Variants in PRKG1 observed in about 807,000 individuals in gnomAD.
The protein encoded by PRKG1 is protein kinase cGMP-dependent 1.
Under a neutral mutation model 88.1 loss-of-function variants are expected in PRKG1, and 35 were observed. The observed-to-expected ratio is 0.40, with a 90% confidence interval of 0.30 to 0.53. The LOEUF (loss-of-function observed/expected upper bound fraction) is 0.53. PRKG1 is among the 20% of genes least tolerant of loss of function. The probability of loss-of-function intolerance (pLI) is 0.59; values close to 1 mark genes in which losing one functional copy is unlikely to be tolerated. For missense variants in PRKG1, 540 were observed against 839.8 expected, an observed-to-expected ratio of 0.64 and a Z score of 4.41; for synonymous variants, 303 against 292.5, an observed-to-expected ratio of 1.04 and a Z score of -0.37.
intron 3 of PRKG1, among the ~76,000 whole-genome samples, chr10:51,584,773 G>A (rs1769199257): frequency 6.6e-6 from 1 of 152,074 alleles, no homozygotes. Flanking sequence ...GCTCAGAGAA[G>A]GGAAAGAACT....
intron 3 of PRKG1, among the ~76,000 whole-genome samples, chr10:51,752,049 T>A (rs1031340068): frequency 2.0e-5 from 3 of 152,212 alleles, no homozygotes; most frequent in African/African-American, 7.2e-5. Flanking sequence ...ATTGCCAGTG[T>A]CTGTTTTATT....
At chr10:51,952,951 A>G (rs1438771313) in intron 5 of PRKG1, among the ~76,000 whole-genome samples, 2 of 152,226 alleles carry the variant, frequency 1.3e-5, no homozygotes, top group African/African-American at 2.4e-5. Flanking sequence ...ATCCAAGTGA[A>G]TCTAACCAAC....
At chr10:51,186,550 TGA>T (rs1837491586) in intron 2 of PRKG1, among the ~76,000 whole-genome samples, 1 of 152,042 alleles carries the variant, frequency 6.6e-6, no homozygotes, top group South Asian at 2.1e-4. Flanking sequence ...TGTCTCAGGG[TGA>T]GCCAGGAATC....
chr10:51,591,257 C>T (rs10998398), intron 3 of PRKG1, among the ~76,000 whole-genome samples: 10,537 of 152,138 alleles, frequency 0.069, 1,198 homozygotes, highest in African/African-American at 0.24. Context: ...CATTTAGAGA[C>T]GAACTCTATA....
intron 3 of PRKG1, among the ~76,000 whole-genome samples, chr10:51,576,243 T>C (rs1837881975): frequency 6.6e-6 from 1 of 151,994 alleles, no homozygotes; most frequent in African/African-American, 2.4e-5. Flanking sequence ...TATAACTCTT[T>C]ATTAGCATAC....
intron 8 of PRKG1, among the ~76,000 whole-genome samples, chr10:52,139,318 C>T (rs1837511386): frequency 6.6e-6 from 1 of 152,078 alleles, no homozygotes; most frequent in African/African-American, 2.4e-5. Flanking sequence ...AGGAAAACCT[C>T]AGTGCCTTCC....
At position 51,684,413 on chromosome 10, in the gene PRKG1, A is replaced by G. The variant is rs1840932511; in HGVS notation, c.593-120172A>G. ...ATGTAGGTGTGGTGGTGGCTGCACA[A>G]CTCTATGACTATCGTAACAACCATT... On this transcript the variant is annotated intron_variant, in intron 3 of 17. Transcript: ENST00000373980. Among the ~76,000 whole-genome samples the G allele has an allele frequency of 2.0e-5, 3 of 152,076 alleles. No individual in the cohort carries two copies. In the South Asian group the frequency reaches 6.2e-4, roughly 32 times the overall value.
chr10:51,042,443 G>A (rs1843436327), intron 1 of PRKG1, among the ~76,000 whole-genome samples: 2 of 137,120 alleles, frequency 1.5e-5, no homozygotes, highest in Non-Finnish European at 3.4e-5. Flanking sequence ...CAAATTCTGG[G>A]CTTTGGCCAA....
At chr10:51,519,052 A>G (rs1841667531) in intron 3 of PRKG1, among the ~76,000 whole-genome samples, 1 of 152,222 alleles carries the variant, frequency 6.6e-6, no homozygotes, top group Non-Finnish European at 1.5e-5. Flanking sequence ...TTTAAAACCA[A>G]TCTTCCATTA....
At chr10:51,900,488 T>G (rs984944464) in intron 4 of PRKG1, among the ~76,000 whole-genome samples, 1 of 152,194 alleles carries the variant, frequency 6.6e-6, no homozygotes, top group Non-Finnish European at 1.5e-5. Context: ...TATGCTTTGG[T>G]CATTTGGAAA....
intron 5 of PRKG1, among the ~76,000 whole-genome samples, chr10:51,929,346 C>CTTTTTT (rs67175480): frequency 1.8e-5 from 2 of 109,670 alleles, no homozygotes; most frequent in Non-Finnish European, 3.7e-5. Context: ...GAATTCCTTC[C>CTTTTTT]TTTTTTTTTT....
chr10:51,630,519 G>T (rs1297884747), intron 3 of PRKG1, among the ~76,000 whole-genome samples: 1 of 152,158 alleles, frequency 6.6e-6, no homozygotes, highest in East Asian at 1.9e-4. Context: ...GAATAGTTCT[G>T]CAGCTGTGCT....
At chr10:51,408,997 T>C (rs540497545) in intron 2 of PRKG1, among the ~76,000 whole-genome samples, 2 of 152,318 alleles carry the variant, frequency 1.3e-5, no homozygotes, top group Admixed American at 6.5e-5. Context: ...TCCCTGACCA[T>C]CCAGCCAAAT....
chr10:52,126,645 T>C (rs1847938157), intron 7 of PRKG1, among the ~76,000 whole-genome samples: 1 of 152,126 alleles, frequency 6.6e-6, no homozygotes, highest in Non-Finnish European at 1.5e-5. Flanking sequence ...CAAACACAGC[T>C]CTGTAGAAAT....
At chr10:51,306,150 A>C (rs1437713063) in intron 2 of PRKG1, among the ~76,000 whole-genome samples, 1 of 152,224 alleles carries the variant, frequency 6.6e-6, no homozygotes, top group Non-Finnish European at 1.5e-5. Context: ...CCTGGATTGA[A>C]ATTAAGTTTG....
intron 9 of PRKG1, among the ~76,000 whole-genome samples, chr10:52,204,528 C>T (rs1239944569): frequency 6.6e-6 from 1 of 152,056 alleles, no homozygotes; most frequent in Non-Finnish European, 1.5e-5. Context: ...TTATTAGTAC[C>T]CCAAATTAAT....
At chr10:52,044,577 T>C (rs1337907659) in intron 5 of PRKG1, among the ~76,000 whole-genome samples, 1 of 152,180 alleles carries the variant, frequency 6.6e-6, no homozygotes, top group African/African-American at 2.4e-5. Flanking sequence ...TTTATCAAAG[T>C]GTTGTTTGTT....
chr10:52,238,528 C>G (rs1205610284), intron 9 of PRKG1, among the ~76,000 whole-genome samples: 1 of 151,854 alleles, frequency 6.6e-6, no homozygotes, highest in Non-Finnish European at 1.5e-5. Flanking sequence ...ACAGACACTT[C>G]TCAAAAGAAG....
At chr10:52,210,149 G>A (rs1839929435) in intron 9 of PRKG1, among the ~76,000 whole-genome samples, 1 of 152,018 alleles carries the variant, frequency 6.6e-6, no homozygotes, top group Non-Finnish European at 1.5e-5. Context: ...TAAGATGGTA[G>A]CTACTATCAT....
Sources: allele counts gnomAD v4.1 joint callset (sites outside exome capture counted in the v4.1 genomes callset), GRCh38; gene constraint gnomAD v4.1.1; transcripts MANE v1.5; gene names NCBI Gene and HGNC (gene_info 2026-07-23, HGNC 2026-07-21).